Variants in CPNE4 observed in about 807,000 individuals in gnomAD.
CPNE4 encodes copine-4.
In CPNE4, 25 loss-of-function variants were observed where a neutral mutation model predicts 67.9. That is an observed-to-expected ratio of 0.37 (90% CI 0.27 to 0.51). The LOEUF is 0.51. CPNE4 is among the 20% of genes least tolerant of loss of function. The pLI is 0.93. For synonymous variants in CPNE4, 242 were observed against 244.9 expected, an observed-to-expected ratio of 0.99 and a Z score of 0.11; for missense variants, 464 against 690.8, an observed-to-expected ratio of 0.67 and a Z score of 3.68.
chr3:131,707,629 T>C (rs531336312), intron 3 of CPNE4, among the ~76,000 whole-genome samples: 120 of 152,172 alleles, frequency 7.9e-4, no homozygotes, highest in Non-Finnish European at 1.4e-3. Flanking sequence ...CCAGAGTTCA[T>C]TCCCTTAACT....
chr3:131,539,023 A>C (rs1160509453), intron 15 of CPNE4: 2 of 152,214 alleles, frequency 1.3e-5, no homozygotes, highest in Non-Finnish European at 2.9e-5. Flanking sequence ...TAAAGCTCTG[A>C]GTTATCATGC....
rs543464961 is a variant in CPNE4 at position 132,009,067 on chromosome 3, C to A, written c.-2+25500G>T. Among the ~76,000 whole-genome samples, 15 of 152,272 alleles carry A rather than the reference C, an allele frequency of 9.9e-5. No homozygotes were observed. The South Asian group carries it at 3.1e-3, about 32-fold the overall frequency. Reference sequence around the variant, plus strand: ...GCACACAGAATGCAGTGGGTCACTGCGGAGCTGCCCACATCCTCTTACCTA... The same window carrying A: ...GCACACAGAATGCAGTGGGTCACTGAGGAGCTGCCCACATCCTCTTACCTA... On this transcript the variant is annotated intron_variant, in intron 1 of 15. Coordinates refer to ENST00000429747, the MANE Select transcript of CPNE4 (RefSeq NM_130808.3).
chr3:131,751,956 C>A (rs932956140), intron 2 of CPNE4, among the ~76,000 whole-genome samples: 1 of 152,060 alleles, frequency 6.6e-6, no homozygotes, highest in Non-Finnish European at 1.5e-5. Flanking sequence ...CCTAGCTGGT[C>A]TCCCCTGCCA....
At position 132,034,728 on chromosome 3, in the gene CPNE4, G is replaced by C; in HGVS notation, c.-163C>G. On this transcript the variant is annotated 5_prime_UTR_variant, in exon 1 of 16. Transcript: ENST00000429747. ...ACCTCCTTCCCCTCTCGTCCTCCGA[G>C]GTCAGTTTAGCAACAGCGGCTGGGA... is the stretch of plus-strand genomic sequence containing the variant. 4 of 985,366 alleles carry C rather than the reference G, an allele frequency of 4.1e-6. No homozygotes were observed. The highest frequency in any genetic ancestry group is 4.8e-6 in the Non-Finnish European group (4 of 830,040). The allele number at this position is 985,366 out of a possible 1,614,324, so 61.0% of individuals were successfully genotyped here.
At chr3:131,871,996 A>G (rs2087228910) in intron 2 of CPNE4, among the ~76,000 whole-genome samples, 1 of 152,100 alleles carries the variant, frequency 6.6e-6, no homozygotes, top group Non-Finnish European at 1.5e-5. Flanking sequence ...TCCTTCTTAT[A>G]CCATGACACT....
At chr3:131,618,127 A>G (rs1940264305) in intron 7 of CPNE4, among the ~76,000 whole-genome samples, 1 of 152,180 alleles carries the variant, frequency 6.6e-6, no homozygotes, top group South Asian at 2.1e-4. Context: ...GATACAGGGA[A>G]TGTCTCAAGA....
intron 2 of CPNE4, among the ~76,000 whole-genome samples, chr3:131,874,474 G>A (rs1475943717): frequency 3.3e-5 from 5 of 152,202 alleles, no homozygotes; most frequent in African/African-American, 1.2e-4. Flanking sequence ...TGGGGAATGA[G>A]ATACAGCCCA....
intron 7 of CPNE4, among the ~76,000 whole-genome samples, chr3:131,591,607 G>A (rs1938536724): frequency 6.6e-6 from 1 of 152,124 alleles, no homozygotes; most frequent in South Asian, 2.1e-4. Flanking sequence ...CTCCATCAGG[G>A]GCCTCTCAGC....
At position 131,894,449 on chromosome 3, in the gene CPNE4, G is replaced by C. The variant is rs923594358; in HGVS notation, c.180+10815C>G. On this transcript the variant is annotated intron_variant, in intron 2 of 15. Transcript: ENST00000429747. The stretch of plus-strand genomic sequence containing the variant: ...AGTAAAGAGACAACTTACAGAATGG[G>C]GTAAAATATTTGCAAACCAGACACC... 2.6e-5 allele frequency among the ~76,000 whole-genome samples: 4 copies of C among 151,434 alleles called. No individual in the cohort carries two copies. The East Asian group carries it at 5.8e-4, about 22-fold the overall frequency.
intron 2 of CPNE4, among the ~76,000 whole-genome samples, chr3:131,841,043 G>T (rs1387591369): frequency 6.6e-6 from 1 of 152,120 alleles, no homozygotes; most frequent in Non-Finnish European, 1.5e-5. Context: ...TCAAATAAGT[G>T]TAGTCTATCA....
intron 2 of CPNE4, among the ~76,000 whole-genome samples, chr3:131,749,269 G>T (rs577334689): frequency 1.3e-5 from 2 of 152,022 alleles, no homozygotes; most frequent in East Asian, 3.8e-4. Context: ...TTCCTGTTAC[G>T]TTTCTGCTCT....
intron 7 of CPNE4, among the ~76,000 whole-genome samples, chr3:131,667,539 C>A (rs540499066): frequency 6.6e-6 from 1 of 152,028 alleles, no homozygotes; most frequent in South Asian, 2.1e-4. Context: ...GGACAGCTCC[C>A]CACAGGAAAA....
intron 2 of CPNE4, among the ~76,000 whole-genome samples, chr3:131,883,788 G>A (rs9845597): frequency 0.29 from 43,857 of 152,168 alleles, 7,399 homozygotes; most frequent in Non-Finnish European, 0.37. Context: ...ATTGTTAACT[G>A]TAGGCATGAT....
intron 1 of CPNE4, among the ~76,000 whole-genome samples, chr3:132,011,690 A>G (rs2073766846): frequency 6.6e-6 from 1 of 152,214 alleles, no homozygotes; most frequent in African/African-American, 2.4e-5. Flanking sequence ...AGCAACTCAT[A>G]ACATTTTTCA....
At chr3:132,019,763 T>C (rs369557107) in intron 1 of CPNE4, among the ~76,000 whole-genome samples, 1 of 152,122 alleles carries the variant, frequency 6.6e-6, no homozygotes, top group African/African-American at 2.4e-5. Flanking sequence ...GAGTAATGGT[T>C]CTCAAAAGTT....
At chr3:131,681,471 G>T (rs2080753899) in intron 6 of CPNE4, among the ~76,000 whole-genome samples, 1 of 152,088 alleles carries the variant, frequency 6.6e-6, no homozygotes, top group African/African-American at 2.4e-5. Flanking sequence ...GGTCTTTAAG[G>T]TTTCTACTGA....
chr3:131,975,943 C>T (rs1272761048), intron 1 of CPNE4, among the ~76,000 whole-genome samples: 1 of 152,048 alleles, frequency 6.6e-6, no homozygotes, highest in African/African-American at 2.4e-5. Context: ...TAAATGTCCT[C>T]TGATACGGTG....
chr3:131,547,950 C>T (rs1343190771), intron 14 of CPNE4, among the ~76,000 whole-genome samples: 1 of 152,106 alleles, frequency 6.6e-6, no homozygotes, highest in Non-Finnish European at 1.5e-5. Flanking sequence ...GAGTCTAAAA[C>T]AAAATTTTGC....
At chr3:131,666,550 C>T (rs574629444) in intron 7 of CPNE4, among the ~76,000 whole-genome samples, 8 of 152,182 alleles carry the variant, frequency 5.3e-5, no homozygotes, top group African/African-American at 1.9e-4. Flanking sequence ...CAAGAGCCAA[C>T]TTGAAGAAGC....
Sources: allele counts gnomAD v4.1 joint callset (sites outside exome capture counted in the v4.1 genomes callset), GRCh38; gene constraint gnomAD v4.1.1; transcripts MANE v1.5; gene names NCBI Gene and HGNC (gene_info 2026-07-23, HGNC 2026-07-21).